The following GNAL variants were observed in gnomAD, a reference collection of about 807,000 sequenced individuals.
GNAL encodes guanine nucleotide-binding protein G(olf) subunit alpha.
GNAL carries 18 observed loss-of-function variants against 55.1 expected under a neutral mutation model. That is an observed-to-expected ratio of 0.33 (90% CI 0.23 to 0.48). The LOEUF (loss-of-function observed/expected upper bound fraction) is 0.48. GNAL is among the 20% of genes least tolerant of loss of function. GNAL has a pLI of 0.99. For synonymous variants in GNAL, 253 were observed against 237.0 expected (o/e 1.07, Z -0.62); for missense variants, 412 against 614.1 (o/e 0.67, Z 3.48).
intron 4 of GNAL, among the ~76,000 whole-genome samples, chr18:11,785,482 A>G (rs1015172499): frequency 6.6e-6 from 1 of 152,210 alleles, no homozygotes; most frequent in African/African-American, 2.4e-5. Context: ...GGATTTACCA[A>G]TGCTGGGGTT....
chr18:11,848,337 C>T (rs2035782623), intron 5 of GNAL, among the ~76,000 whole-genome samples: 1 of 152,142 alleles, frequency 6.6e-6, no homozygotes, highest in Non-Finnish European at 1.5e-5. Context: ...GGGAAGATGG[C>T]TTCTGGAACT....
chr18:11,875,088 C>G (rs182092330), intron 10 of GNAL, among the ~76,000 whole-genome samples: 2 of 152,240 alleles, frequency 1.3e-5, no homozygotes, highest in South Asian at 2.1e-4. Context: ...GCTAGAGGGT[C>G]GGCCATAGTG....
chr18:11,880,951 G>A (rs1329964156), intron 11 of GNAL, 38 bp from the exon 12 acceptor site: 3 of 1,596,920 alleles, frequency 1.9e-6, no homozygotes, highest in Non-Finnish European at 2.6e-6. Flanking sequence ...GTACATGCTG[G>A]GGCCGCGCAG....
At chr18:11,819,310 A>G (rs2035034976) in intron 4 of GNAL, among the ~76,000 whole-genome samples, 1 of 152,190 alleles carries the variant, frequency 6.6e-6, no homozygotes, top group South Asian at 2.1e-4. Context: ...TTCAATATAA[A>G]GGTAGTCGTA....
Position 11,752,242 on chromosome 18 carries a change from T to G in GNAL, c.377-611T>G. ...GCGCGTCTTCCTTACAGCCATTTAG[T>G]TGGGAGTTTGCGGTGGGCAGGGGGA... is the stretch of plus-strand genomic sequence containing the variant. On this transcript the variant is annotated intron_variant, in intron 1 of 11. Coordinates refer to ENST00000334049, the MANE Select transcript of GNAL (RefSeq NM_182978.4). The surrounding 1 kb of genome is among the most constrained non-coding windows in gnomAD (Gnocchi z 4.5). The G allele has an allele frequency of 8.4e-7, 1 of 1,197,204 alleles. No individual in the cohort carries two copies. The highest frequency in any genetic ancestry group is 2.0e-5 in the South Asian group (1 of 48,878). 74.2% of individuals were successfully genotyped at this position (1,197,204 alleles called of 1,614,324 possible).
chr18:11,797,020 T>A (rs2034408143), intron 4 of GNAL, among the ~76,000 whole-genome samples: 1 of 152,170 alleles, frequency 6.6e-6, no homozygotes, highest in African/African-American at 2.4e-5. Flanking sequence ...AGTGGTGTGA[T>A]CTTGGCTCAT....
intron 4 of GNAL, among the ~76,000 whole-genome samples, chr18:11,768,904 A>AT (rs1598440973): frequency 9.3e-5 from 11 of 118,100 alleles, no homozygotes; most frequent in Admixed American, 4.5e-4. Flanking sequence ...AAAAAAAAAA[A>AT]AAAATATATA....
chr18:11,851,392 A>G, intron 5 of GNAL: 20 of 1,281,246 alleles, frequency 1.6e-5, no homozygotes, highest in Non-Finnish European at 2.1e-5. Context: ...CGCCGCTCAC[A>G]GTAGAAACAG....
chr18:11,841,414 G>C (rs1490933114), intron 5 of GNAL, among the ~76,000 whole-genome samples: 1 of 152,072 alleles, frequency 6.6e-6, no homozygotes, highest in Non-Finnish European at 1.5e-5. Flanking sequence ...CGGAGGCCAA[G>C]TTGGGCAGAT....
intron 5 of GNAL, among the ~76,000 whole-genome samples, chr18:11,829,653 C>G (rs1298961639): frequency 1.3e-5 from 2 of 152,248 alleles, no homozygotes; most frequent in South Asian, 4.2e-4. Context: ...TTTGAATTCC[C>G]CAGGGAATGT....
intron 1 of GNAL, among the ~76,000 whole-genome samples, chr18:11,708,895 A>G (rs1414316664): frequency 6.6e-6 from 1 of 152,136 alleles, no homozygotes; most frequent in African/African-American, 2.4e-5. Flanking sequence ...ATGTCAGGAA[A>G]CTTTTTTCCT....
Position 11,751,549 on chromosome 18 carries a change from T to A in GNAL, c.377-1304T>A. On this transcript the variant is annotated intron_variant, in intron 1 of 11. Transcript: ENST00000334049. The surrounding 1 kb of genome is among the most constrained non-coding windows in gnomAD (Gnocchi z 4.5). ...ATCCTCCTCCCTGCTAGAATATGCA[T>A]GATCCTCCGCGAGTCTTCGCCCGCC... 1.0e-6 allele frequency: 1 copy of A among 985,516 alleles called. No homozygotes were observed. Among genetic ancestry groups the A allele is most frequent in the Non-Finnish European group, 1.2e-6 (1 of 829,988 alleles). 61.0% of individuals were successfully genotyped at this position (985,516 alleles called of 1,614,324 possible).
At chr18:11,825,057 T>C (rs1436339892) in intron 5 of GNAL, 42 bp downstream of exon 5, 2 of 1,001,720 alleles carry the variant, frequency 2.0e-6, no homozygotes, top group Admixed American at 1.9e-5. Flanking sequence ...CTTTGAAGAA[T>C]ATGATTGCAT....
chr18:11,822,555 G>A (rs887651235), intron 4 of GNAL, among the ~76,000 whole-genome samples: 2 of 152,190 alleles, frequency 1.3e-5, no homozygotes, highest in African/African-American at 4.8e-5. Context: ...AATGAACCCA[G>A]ATTGCACCAC....
chr18:11,749,393 A>G (rs965685863), intron 1 of GNAL, among the ~76,000 whole-genome samples: 2 of 152,238 alleles, frequency 1.3e-5, no homozygotes, highest in East Asian at 1.9e-4. Context: ...TTCAGTAAGA[A>G]TATTTATTGA....
At chr18:11,809,629 A>G (rs1366816624) in intron 4 of GNAL, among the ~76,000 whole-genome samples, 1 of 152,184 alleles carries the variant, frequency 6.6e-6, no homozygotes, top group Non-Finnish European at 1.5e-5. Context: ...GCTACTTGAG[A>G]GGCTGAGACA....
At chr18:11,733,568 G>A (rs1019244793) in intron 1 of GNAL, among the ~76,000 whole-genome samples, 4 of 152,146 alleles carry the variant, frequency 2.6e-5, no homozygotes, top group Non-Finnish European at 5.9e-5. Context: ...AAGCAAATGT[G>A]GTACTTATAC....
At chr18:11,749,933 G>A (rs1424107643) in intron 1 of GNAL, among the ~76,000 whole-genome samples, 3 of 152,158 alleles carry the variant, frequency 2.0e-5, no homozygotes, top group Non-Finnish European at 4.4e-5. Context: ...GAAGGACCAG[G>A]CCCAGGTCCT....
At chr18:11,772,532 G>T (rs9955375) in intron 4 of GNAL, among the ~76,000 whole-genome samples, 4 of 152,122 alleles carry the variant, frequency 2.6e-5, no homozygotes, top group African/African-American at 9.7e-5. Flanking sequence ...GTGCTCTTTT[G>T]GTGGCTTTGC....
Sources: gnomAD v4.1 joint callset for allele counts (sites outside exome capture counted in the v4.1 genomes callset) on GRCh38, gnomAD v4.1.1 for gene constraint, Gnocchi (gnomAD v3.1) non-coding constraint, MANE v1.5 for transcripts, NCBI Gene and HGNC (gene_info 2026-07-23, HGNC 2026-07-21) for gene names.